EPS15: variants seen among roughly 807,000 people sequenced by gnomAD.
EPS15 encodes the protein epidermal growth factor receptor substrate 15.
A neutral mutation model predicts 113.8 loss-of-function variants in EPS15; 72 were observed. That is an observed-to-expected ratio of 0.63 (90% confidence interval 0.52 to 0.77). The LOEUF (loss-of-function observed/expected upper bound fraction) is 0.77, where lower values mean the gene tolerates loss of function less well. Ranked by LOEUF, EPS15 falls within the 30% of genes least tolerant of loss-of-function variation. EPS15 has a pLI of 0.00. For synonymous variants in EPS15, 344 were observed against 363.4 expected, an observed-to-expected ratio of 0.95 and a Z score of 0.61; for missense variants, 1,048 against 1,045.8, an observed-to-expected ratio of 1.00 and a Z score of -0.03.
chr1:51,465,128 G>A (rs1654751946), intron 6 of EPS15, 133 bp downstream of exon 6: 1 of 505,138 alleles, frequency 2.0e-6, no homozygotes, highest in African/African-American at 2.0e-5. Context: ...AGAAACACCA[G>A]TAACAGCTTC....
intron 1 of EPS15, among the ~76,000 whole-genome samples, chr1:51,493,074 A>G (rs1255754035): frequency 6.6e-6 from 1 of 152,174 alleles, no homozygotes; most frequent in Non-Finnish European, 1.5e-5. Flanking sequence ...AAAAATACAA[A>G]AAAAAGGCCA....
At position 51,409,653 on chromosome 1, in the gene EPS15, T is replaced by C; in HGVS notation, c.1157A>G (p.Lys386Arg). 6.2e-7 allele frequency: 1 copy of C among 1,613,302 alleles called. No homozygotes were observed. The highest frequency in any genetic ancestry group is 8.5e-7 in the Non-Finnish European group (1 of 1,179,562). Residue 386 changes from lysine to arginine, a missense_variant, in exon 14 of 25, where the codon AAA (lysine) becomes AGA (arginine). Transcript: ENST00000371733. ...TACCTGCTGTTTCTGGGCCTGTAGT[T>C]TTTGCAGATTAGTATTCTCCCTTTG... ...EVQRENTNLQ[K>R]LQAQKQQVQE...
At chr1:51,478,188 G>T (rs995872687) in intron 2 of EPS15, among the ~76,000 whole-genome samples, 2 of 152,114 alleles carry the variant, frequency 1.3e-5, no homozygotes, top group African/African-American at 4.8e-5. Context: ...TTGTTGAATT[G>T]ATCCCTTTAC....
chr1:51,446,469 T>C (rs948451612), intron 10 of EPS15, among the ~76,000 whole-genome samples: 21 of 151,544 alleles, frequency 1.4e-4, no homozygotes, highest in Non-Finnish European at 2.8e-4. Context: ...TTTTTTTTTT[T>C]TGAGATGGAG....
chr1:51,485,722 A>C (rs1486084426), intron 1 of EPS15, among the ~76,000 whole-genome samples: 1 of 152,216 alleles, frequency 6.6e-6, no homozygotes, highest in Non-Finnish European at 1.5e-5. Context: ...AACAAATTAA[A>C]TGAGAGTTCA....
chr1:51,444,651 T>G (rs1162451863), intron 11 of EPS15, among the ~76,000 whole-genome samples: 3 of 152,212 alleles, frequency 2.0e-5, no homozygotes, highest in Non-Finnish European at 4.4e-5. Context: ...TTTCCAATTT[T>G]AAGACTGGAA....
intron 7 of EPS15, among the ~76,000 whole-genome samples, chr1:51,462,448 T>G (rs1231162564): frequency 6.7e-6 from 1 of 150,026 alleles, no homozygotes; most frequent in Admixed American, 6.6e-5. Flanking sequence ...TATGGAGAAA[T>G]CACTATGGAA....
At chr1:51,414,440 T>A (rs1017384655) in intron 13 of EPS15, among the ~76,000 whole-genome samples, 12 of 151,424 alleles carry the variant, frequency 7.9e-5, no homozygotes, top group African/African-American at 2.9e-4. Context: ...AAAAAGAAAA[T>A]ATAATCTATT....
intron 12 of EPS15, chr1:51,423,462 G>A (rs1650952280): frequency 2.0e-6 from 2 of 985,378 alleles, no homozygotes; most frequent in South Asian, 4.7e-5. Flanking sequence ...TATGTGAGCA[G>A]ATGAATGTTT....
At chr1:51,450,962 T>C (rs1653496743) in intron 8 of EPS15, among the ~76,000 whole-genome samples, 1 of 151,772 alleles carries the variant, frequency 6.6e-6, no homozygotes. Context: ...CCTTCAGGCA[T>C]ATAATTGCCA....
intron 13 of EPS15, among the ~76,000 whole-genome samples, chr1:51,412,959 T>C (rs1245771031): frequency 2.0e-5 from 3 of 152,216 alleles, no homozygotes; most frequent in Admixed American, 6.5e-5. Flanking sequence ...CTCTAGTCAC[T>C]GTTATTTTTA....
chr1:51,358,505 A>T (rs1480295159), intron 24 of EPS15, among the ~76,000 whole-genome samples: 1 of 152,120 alleles, frequency 6.6e-6, no homozygotes, highest in African/African-American at 2.4e-5. Flanking sequence ...AATAAAATAC[A>T]CTGTCAGGCT....
chr1:51,367,732 G>A (rs1646539124), intron 21 of EPS15, among the ~76,000 whole-genome samples: 1 of 152,178 alleles, frequency 6.6e-6, no homozygotes, highest in African/African-American at 2.4e-5. Context: ...AATGTTTATA[G>A]GAATTGCTGC....
At chr1:51,518,582 G>C (rs1412172816) in intron 1 of EPS15, 1 of 152,870 alleles carries the variant, frequency 6.5e-6, no homozygotes, top group Non-Finnish European at 1.5e-5. Flanking sequence ...AGAGTGGGTA[G>C]TTGAGTAGGA....
chr1:51,366,104 TC>T, intron 21 of EPS15, 75 bp from the exon 22 acceptor site: 1 of 983,662 alleles, frequency 1.0e-6, no homozygotes, highest in Non-Finnish European at 1.5e-6. Context: ...TCTCACTCTG[TC>T]CACCCAGCCT....
At chr1:51,487,744 T>C (rs1318772059) in intron 1 of EPS15, among the ~76,000 whole-genome samples, 1 of 152,202 alleles carries the variant, frequency 6.6e-6, no homozygotes, top group African/African-American at 2.4e-5. Flanking sequence ...TAGGAGAAGA[T>C]ATTAGCTCAC....
chr1:51,359,544 G>A (rs1423413529), intron 24 of EPS15, among the ~76,000 whole-genome samples: 2 of 150,660 alleles, frequency 1.3e-5, no homozygotes, highest in African/African-American at 4.9e-5. Flanking sequence ...TGGATCGCCT[G>A]AGATCAGGAG....
At chr1:51,466,479 C>T (rs1654850646) in intron 5 of EPS15, among the ~76,000 whole-genome samples, 2 of 151,310 alleles carry the variant, frequency 1.3e-5, no homozygotes, top group Admixed American at 6.6e-5. Context: ...AAAATTTAGC[C>T]GGGTGTGGTG....
rs200482636 is a variant in EPS15, at chr1:51,405,916, G to C, written c.1666C>G (p.Gln556Glu). The change falls in exon 16 of 25, where the codon CAG becomes GAG. Residue 556 changes from glutamine to glutamate, a missense_variant. Transcript: ENST00000371733. ...AGTATTAGACTCACTGGAGATTCCTGGTGTATGGGCTCAGACTCTAGGTTG... is the reference window on the plus strand; with the variant it reads ...AGTATTAGACTCACTGGAGATTCCTCGTGTATGGGCTCAGACTCTAGGTTG... The part of the protein sequence containing the change: ...QSNLESEPIH[Q>E]ESPARSSPEL... 16 of 1,613,782 alleles carry C rather than the reference G, an allele frequency of 9.9e-6. No individual in the cohort carries two copies. Among genetic ancestry groups the C allele is most frequent in the Non-Finnish European group, 1.3e-5 (15 of 1,179,848 alleles).
Sources: gnomAD v4.1 joint callset for allele counts (sites outside exome capture counted in the v4.1 genomes callset) on GRCh38, gnomAD v4.1.1 for gene constraint, MANE v1.5 for transcripts, NCBI Gene and HGNC (gene_info 2026-07-23, HGNC 2026-07-21) for gene names.